PAM: variants seen among roughly 807,000 people sequenced by gnomAD.
The protein encoded by PAM is peptidyl-glycine alpha-amidating monooxygenase.
PAM carries 72 observed loss-of-function variants against 122.1 expected under a neutral mutation model. That is an observed-to-expected ratio of 0.59 (90% CI 0.49 to 0.72). The LOEUF (loss-of-function observed/expected upper bound fraction) is 0.72. PAM is among the 30% of genes least tolerant of loss of function. PAM has a pLI of 0.00. For synonymous variants in PAM, 389 were observed against 404.4 expected (o/e 0.96, Z 0.46); for missense variants, 1,106 against 1,183.7 (o/e 0.93, Z 0.96).
intron 19 of PAM, 150 bp from the exon 20 acceptor site, chr5:103,007,307 A>G (rs555139463): frequency 1.9e-5 from 13 of 685,982 alleles, no homozygotes; most frequent in African/African-American, 7.2e-5. Context: ...AAAAGACATT[A>G]TAAAATAATC....
At chr5:103,018,355 A>G (rs533759951) in intron 22 of PAM, among the ~76,000 whole-genome samples, 1 of 152,344 alleles carries the variant, frequency 6.6e-6, no homozygotes, top group East Asian at 1.9e-4. Context: ...AGCAATGGAA[A>G]GTAAAATCAG....
intron 1 of PAM, among the ~76,000 whole-genome samples, chr5:102,780,821 TTCTTTCTTTCTTTCTC>T (rs1561427928): frequency 8.3e-5 from 10 of 121,028 alleles, no homozygotes; most frequent in African/African-American, 2.8e-4. Flanking sequence ...CTTTCTTTCT[TTCTTTCTTTCTTTCTC>T]TGTCTTTCTC....
chr5:102,881,373 A>AT (rs1208469454), intron 3 of PAM, among the ~76,000 whole-genome samples: 3 of 151,134 alleles, frequency 2.0e-5, no homozygotes, highest in East Asian at 1.9e-4. Flanking sequence ...AAAAGTTACT[A>AT]TTTTTTTTTA....
intron 14 of PAM, among the ~76,000 whole-genome samples, chr5:102,967,660 T>A (rs1361204017): frequency 6.6e-6 from 1 of 151,638 alleles, no homozygotes; most frequent in Non-Finnish European, 1.5e-5. Flanking sequence ...TAGAACATCT[T>A]AAAGAATTTG....
chr5:102,984,743 T>C (rs1017992579), intron 15 of PAM, among the ~76,000 whole-genome samples: 20 of 152,158 alleles, frequency 1.3e-4, no homozygotes, highest in African/African-American at 4.8e-4. Flanking sequence ...CTAACAGACA[T>C]TTACAGAACA....
At chr5:102,789,484 C>G (rs1490511482) in intron 1 of PAM, among the ~76,000 whole-genome samples, 1 of 152,054 alleles carries the variant, frequency 6.6e-6, no homozygotes, top group Non-Finnish European at 1.5e-5. Flanking sequence ...CTGACACGTG[C>G]TACAACATGG....
intron 1 of PAM, among the ~76,000 whole-genome samples, chr5:102,775,146 G>A (rs191138974): frequency 2.0e-5 from 3 of 151,772 alleles, no homozygotes; most frequent in African/African-American, 7.2e-5. Flanking sequence ...CTTCCCTATT[G>A]ATTTAAAATA....
At chr5:102,836,276 T>G (rs1776998844) in intron 1 of PAM, among the ~76,000 whole-genome samples, 1 of 152,238 alleles carries the variant, frequency 6.6e-6, no homozygotes, top group African/African-American at 2.4e-5. Context: ...ATTTTTTCAC[T>G]TTTCTGTTGA....
At chr5:102,773,571 A>C (rs185813365) in intron 1 of PAM, among the ~76,000 whole-genome samples, 34 of 152,228 alleles carry the variant, frequency 2.2e-4, no homozygotes, top group African/African-American at 8.2e-4. Flanking sequence ...ATGTAAAAAA[A>C]CATTCATTCT....
At chr5:102,949,443 GC>G in intron 9 of PAM, 93 bp from the exon 10 acceptor site, 1 of 768,936 alleles carries the variant, frequency 1.3e-6, no homozygotes, top group Non-Finnish European at 2.4e-6. Context: ...TCAGTCCCTA[GC>G]ATCTTGTGAA....
intron 16 of PAM, among the ~76,000 whole-genome samples, chr5:102,992,347 A>ATT (rs3836844): frequency 6.6e-6 from 1 of 151,092 alleles, no homozygotes; most frequent in African/African-American, 2.4e-5. Flanking sequence ...ATGTAAAACT[A>ATT]TTTTTTTTTC....
At position 102,878,322 on chromosome 5, in the gene PAM, A is replaced by G. The variant is rs116570624; in HGVS notation, c.210+10929A>G. ...TAGCTTTCATAACTTCATCAGGAAC[A>G]TTTTTGTGGTGATGCTGCTGTTAAC... On this transcript the variant is annotated intron_variant, in intron 3 of 25. Transcript: ENST00000438793. Among the ~76,000 whole-genome samples the G allele has an allele frequency of 2.0e-3, 302 of 152,300 alleles. 1 individual carries two copies. Among genetic ancestry groups the G allele is most frequent in the African/African-American group, 6.9e-3 (287 of 41,566 alleles).
chr5:102,797,737 CA>C (rs1181940065), intron 1 of PAM, among the ~76,000 whole-genome samples: 1 of 152,082 alleles, frequency 6.6e-6, no homozygotes, highest in Non-Finnish European at 1.5e-5. Flanking sequence ...TAAATACAAA[CA>C]TTTTTTTAAA....
At chr5:102,827,544 T>C (rs1461421018) in intron 1 of PAM, among the ~76,000 whole-genome samples, 1 of 152,214 alleles carries the variant, frequency 6.6e-6, no homozygotes, top group Non-Finnish European at 1.5e-5. Context: ...ATTCTTACTT[T>C]AAGAAAATGT....
chr5:102,768,596 C>T (rs1754836820), intron 1 of PAM, among the ~76,000 whole-genome samples: 1 of 152,208 alleles, frequency 6.6e-6, no homozygotes, highest in South Asian at 2.1e-4. Context: ...CAAAGTTTGT[C>T]TTTCTGTGCC....
At chr5:102,767,389 T>C (rs772236367) in intron 1 of PAM, among the ~76,000 whole-genome samples, 1 of 152,172 alleles carries the variant, frequency 6.6e-6, no homozygotes, top group African/African-American at 2.4e-5. Context: ...TTAATCTTCA[T>C]CTGGCCTCTT....
intron 7 of PAM, among the ~76,000 whole-genome samples, chr5:102,939,150 C>A (rs766958138): frequency 5.3e-5 from 8 of 152,056 alleles, no homozygotes; most frequent in Non-Finnish European, 1.0e-4. Context: ...ATTCTATTAG[C>A]AAAATAAAAT....
chr5:102,854,597 T>A (rs1426993718), intron 1 of PAM, among the ~76,000 whole-genome samples: 1 of 152,288 alleles, frequency 6.6e-6, no homozygotes, highest in East Asian at 1.9e-4. Flanking sequence ...GACCTCATCT[T>A]TTTTAAGCTC....
chr5:102,940,343 A>G (rs1364494584), intron 7 of PAM, among the ~76,000 whole-genome samples: 1 of 151,376 alleles, frequency 6.6e-6, no homozygotes, highest in Non-Finnish European at 1.5e-5. Flanking sequence ...TGGTTTCTAG[A>G]CTTTTGCAGC....
Sources: gnomAD v4.1 joint callset for allele counts (sites outside exome capture counted in the v4.1 genomes callset) on GRCh38, gnomAD v4.1.1 for gene constraint, MANE v1.5 for transcripts, NCBI Gene and HGNC (gene_info 2026-07-23, HGNC 2026-07-21) for gene names.